The following LHX1 variants were observed in gnomAD, a reference collection of about 807,000 sequenced individuals.
LHX1 encodes the protein LIM/homeobox protein Lhx1.
Under a neutral mutation model 34.1 loss-of-function variants are expected in LHX1, and 9 were observed. The ratio of observed to expected loss-of-function variants is 0.26; its 90% CI spans 0.16 to 0.46. LHX1 has a LOEUF of 0.46. LHX1 is among the 20% of genes least tolerant of loss of function. LHX1 has a pLI of 1.00. For synonymous variants in LHX1, 254 were observed against 241.5 expected (o/e 1.05, Z -0.48); for missense variants, 446 against 559.1 (o/e 0.80, Z 2.04).
rs557183206 is a variant in LHX1 at position 36,940,286 on chromosome 17, G to A, written c.171-4G>A. On this transcript the variant is annotated splice_polypyrimidine_tract_variant and splice_region_variant and intron_variant, in intron 1 of 4. Transcript: ENST00000614239. Reference sequence around the variant, plus strand: ...CCCCGCCCCCCACCCCCACCCCCCCGCAGGTGTTTCGGTACCAAATGCGCA... The same window carrying A: ...CCCCGCCCCCCACCCCCACCCCCCCACAGGTGTTTCGGTACCAAATGCGCA... The A allele has an allele frequency of 7.3e-6, 1 of 137,406 alleles. No individual in the cohort carries two copies. The highest frequency in any genetic ancestry group is 1.1e-5 in the Non-Finnish European group (1 of 91,148). 8.5% of individuals were successfully genotyped at this position (137,406 alleles called of 1,614,324 possible). A position where few individuals can be genotyped will look rare whatever the true frequency, so the allele number is the denominator to read the frequency against.
At chr17:36,940,258 C>CCCGG in intron 1 of LHX1, 32 bp from the exon 2 acceptor site, 2 of 528,896 alleles carry the variant, frequency 3.8e-6, no homozygotes, top group East Asian at 3.5e-5. Flanking sequence ...GACCCATCCC[C>CCCGG]GCCCCCGCCC....
chr17:36,942,717 C>T (rs963867352), intron 4 of LHX1, 35 bp from the exon 5 acceptor site: 2 of 1,458,632 alleles, frequency 1.4e-6, no homozygotes, highest in African/African-American at 1.5e-5. Flanking sequence ...CCCGGCCGGG[C>T]CCTGACGTCC....
rs745463317 is a variant in LHX1, at chr17:36,940,580, G to T, written c.398-30G>T. The stretch of plus-strand genomic sequence containing the variant: ...TCCTGGGGGAGGAAGGCTCGCCAAG[G>T]CCCCGGCTCATCTGTCCTTTCCCTC... On this transcript the variant is annotated intron_variant, in intron 2 of 4. Transcript: ENST00000614239. The T allele has an allele frequency of 2.5e-6, 4 of 1,613,574 alleles. No individual in the cohort carries two copies. The African/African-American group carries it at 5.3e-5, about 22-fold the overall frequency.
rs2070782312 is a variant in LHX1, at chr17:36,943,492, AGCCGTTGGCGAT to A, written c.*365_*376del. The A allele has an allele frequency of 4.4e-6, 1 of 228,932 alleles. No homozygotes were observed. 14.2% of individuals were successfully genotyped at this position (228,932 alleles called of 1,614,324 possible). A position where few individuals can be genotyped will look rare whatever the true frequency, so the allele number is the denominator to read the frequency against. On this transcript the variant is annotated 3_prime_UTR_variant, in exon 5 of 5. Transcript: ENST00000614239. ...GTCCAGGGCAGCCGCGGGTGCGCAC[AGCCGTTGGCGAT>A]GCCAGGAGCCGTGGGGAGGGAGGCC...
At chr17:36,941,742 T>C (rs957688296) in intron 3 of LHX1, among the ~76,000 whole-genome samples, 2 of 152,110 alleles carry the variant, frequency 1.3e-5, no homozygotes, top group African/African-American at 4.8e-5. Context: ...TGTACATGGG[T>C]GTGAAAAGGA....
chr17:36,939,894 A>G (rs1014110887), intron 1 of LHX1, among the ~76,000 whole-genome samples: 1 of 152,238 alleles, frequency 6.6e-6, no homozygotes, highest in Non-Finnish European at 1.5e-5. Context: ...ACTTTTCTGA[A>G]TCTAATCGGA....
chr17:36,940,910 C>T, intron 3 of LHX1, 23 bp downstream of exon 3: 2 of 1,561,134 alleles, frequency 1.3e-6, no homozygotes, highest in Admixed American at 3.8e-5. Flanking sequence ...CGCGCCTCTC[C>T]ATCCCACAGA....
rs1244720640 is a variant in LHX1 at position 36,937,532 on chromosome 17, C to T, written c.-666C>T. On this transcript the variant is annotated 5_prime_UTR_variant, in exon 1 of 5. Coordinates refer to ENST00000614239, the MANE Select transcript of LHX1 (RefSeq NM_005568.5). ...CTTCTCCCGCGGTCGGCCCTCGCCCCCTCCCCCAGGCCCAGCGCGGGCGCT... is the reference window on the plus strand; with the variant it reads ...CTTCTCCCGCGGTCGGCCCTCGCCCTCTCCCCCAGGCCCAGCGCGGGCGCT... The T allele has an allele frequency of 3.1e-6, 1 of 321,758 alleles. No homozygotes were observed. The highest frequency in any genetic ancestry group is 2.3e-5 in the South Asian group (1 of 42,964). The allele number at this position is 321,758 out of a possible 1,614,324, so 19.9% of individuals were successfully genotyped here.
intron 3 of LHX1, 120 bp from the exon 4 acceptor site, chr17:36,942,080 C>T (rs2070768350): frequency 9.7e-7 from 1 of 1,028,228 alleles, no homozygotes; most frequent in Admixed American, 2.2e-5. Context: ...TACACACACA[C>T]ACAAGCGCGC....
chr17:36,940,959 G>A (rs766103752), intron 3 of LHX1, 72 bp downstream of exon 3: 4 of 1,536,430 alleles, frequency 2.6e-6, no homozygotes, highest in African/African-American at 2.7e-5. Flanking sequence ...GCCGAGCCAG[G>A]AGAGCCCAGA....
Position 36,942,739 on chromosome 17 carries a change from C to T in LHX1, c.842-13C>T. The T allele has an allele frequency of 4.7e-6, 7 of 1,496,132 alleles. No individual in the cohort carries two copies. The highest frequency in any genetic ancestry group is 6.2e-6 in the Non-Finnish European group (7 of 1,122,676). 92.7% of individuals were successfully genotyped at this position (1,496,132 alleles called of 1,614,324 possible). On this transcript the variant is annotated splice_polypyrimidine_tract_variant and intron_variant, in intron 4 of 4. Coordinates refer to ENST00000614239, the MANE Select transcript of LHX1 (RefSeq NM_005568.5). Reference sequence around the variant, plus strand: ...GGGCCCTGACGTCCTGCGCCCTCCCCGCCGCTCCGCAGATTACCAGAGCGA... The same window carrying T: ...GGGCCCTGACGTCCTGCGCCCTCCCTGCCGCTCCGCAGATTACCAGAGCGA...
At chr17:36,942,704 G>A (rs556078877) in intron 4 of LHX1, 48 bp from the exon 5 acceptor site, 7 of 1,440,488 alleles carry the variant, frequency 4.9e-6, no homozygotes, top group Non-Finnish European at 6.4e-6. Context: ...GGTCCCGCCG[G>A]CCCCCGGCCG....
At position 36,943,213 on chromosome 17, in the gene LHX1, A is replaced by C; in HGVS notation, c.*82A>C. Reference sequence around the variant, plus strand: ...AGAAAAATAGAAAAAAAAAAACATAAAAAGCAAGTCCCCACCCCCTTCCTC... The same window carrying C: ...AGAAAAATAGAAAAAAAAAAACATACAAAGCAAGTCCCCACCCCCTTCCTC... On this transcript the variant is annotated 3_prime_UTR_variant, in exon 5 of 5. Coordinates refer to ENST00000614239, the MANE Select transcript of LHX1 (RefSeq NM_005568.5). 7.1e-7 allele frequency: 1 copy of C among 1,417,902 alleles called. No homozygotes were observed. The highest frequency in any genetic ancestry group is 9.5e-7 in the Non-Finnish European group (1 of 1,052,946). 87.8% of individuals were successfully genotyped at this position (1,417,902 alleles called of 1,614,324 possible). A position where few individuals can be genotyped will look rare whatever the true frequency, so the allele number is the denominator to read the frequency against.
At chr17:36,942,124 G>A (rs1320886006) in intron 3 of LHX1, 76 bp from the exon 4 acceptor site, 1 of 1,473,264 alleles carries the variant, frequency 6.8e-7, no homozygotes, top group Non-Finnish European at 9.2e-7. Context: ...CGGTGAAGGG[G>A]TGCTGGCTAG....
Position 36,943,232 on chromosome 17 carries a change from C to T in LHX1, c.*101C>T. ...AACATAAAAAGCAAGTCCCCACCCC[C>T]TTCCTCCAGCCTCGAGAACCATTCT... On this transcript the variant is annotated 3_prime_UTR_variant, in exon 5 of 5. Transcript: ENST00000614239. 2 of 1,340,184 alleles carry T rather than the reference C, an allele frequency of 1.5e-6. No homozygotes were observed. Among genetic ancestry groups the T allele is most frequent in the Non-Finnish European group, 2.0e-6 (2 of 990,850 alleles). The allele number at this position is 1,340,184 out of a possible 1,614,324, so 83.0% of individuals were successfully genotyped here.
In LHX1 at chr17:36,937,507, C is replaced by T. The variant is rs1239286510; in HGVS notation, c.-691C>T. 4 of 319,362 alleles carry T rather than the reference C, an allele frequency of 1.3e-5. No homozygotes were observed. The highest frequency in any genetic ancestry group is 2.5e-5 in the Non-Finnish European group (4 of 163,134). The allele number at this position is 319,362 out of a possible 1,614,324, so 19.8% of individuals were successfully genotyped here. ...CTTCCTCCTACCCTCCCCTCTTTCC[C>T]TTCTCCCGCGGTCGGCCCTCGCCCC... On this transcript the variant is annotated 5_prime_UTR_variant, in exon 1 of 5. Coordinates refer to ENST00000614239, the MANE Select transcript of LHX1 (RefSeq NM_005568.5).
chr17:36,942,134 G>A (rs1597689916), intron 3 of LHX1, 66 bp from the exon 4 acceptor site: 7 of 1,508,262 alleles, frequency 4.6e-6, no homozygotes, highest in Non-Finnish European at 6.2e-6. Context: ...GTGCTGGCTA[G>A]GCCCGGAGCA....
At chr17:36,937,201 G>A (rs2070731554), upstream of LHX1, 2 of 453,262 alleles carry the variant, frequency 4.4e-6, no homozygotes, top group Non-Finnish European at 8.9e-6. Context: ...GTGCGCCCAG[G>A]CGGCCGCGAG....
intron 3 of LHX1, chr17:36,941,156 G>T: frequency 1.4e-6 from 1 of 703,978 alleles, no homozygotes; most frequent in Non-Finnish European, 2.6e-6. Flanking sequence ...GAGGAGAACT[G>T]TTGAACACTC....
Sources: allele counts gnomAD v4.1 joint callset (sites outside exome capture counted in the v4.1 genomes callset), GRCh38; gene constraint gnomAD v4.1.1; transcripts MANE v1.5; gene names NCBI Gene and HGNC (gene_info 2026-07-23, HGNC 2026-07-21).